The following CEP63 variants were observed in gnomAD, a reference collection of about 807,000 sequenced individuals.
The protein encoded by CEP63 is centrosomal protein of 63 kDa.
A neutral mutation model predicts 89.1 loss-of-function variants in CEP63; 84 were observed. That is an observed-to-expected ratio of 0.94 (90% CI 0.79 to 1.13). CEP63 has a LOEUF of 1.13. Among genes scored for constraint, CEP63 ranks in the 50% most tolerant of loss-of-function variants. CEP63 has a pLI of 0.00. For synonymous variants in CEP63, 267 were observed against 272.5 expected, an observed-to-expected ratio of 0.98 and a Z score of 0.20; for missense variants, 838 against 813.3, an observed-to-expected ratio of 1.03 and a Z score of -0.37.
chr3:134,505,666 T>C (rs1310061540), intron 2 of CEP63, among the ~76,000 whole-genome samples: 1 of 152,148 alleles, frequency 6.6e-6, no homozygotes, highest in Admixed American at 6.5e-5. Flanking sequence ...CCCTGGATGA[T>C]GTCCATAGGT....
At chr3:134,584,605 C>T (rs920788064) in intron 10 of CEP63, among the ~76,000 whole-genome samples, 2 of 152,074 alleles carry the variant, frequency 1.3e-5, no homozygotes, top group African/African-American at 2.4e-5. Flanking sequence ...ATTTTTGCAC[C>T]AGTGTTTATC....
chr3:134,650,820 GT>G, the CEP63 span: 1 of 1,579,712 alleles, frequency 6.3e-7, no homozygotes, highest in Non-Finnish European at 8.6e-7. Flanking sequence ...TCGGGCGCGC[GT>G]TACCTCCTCC....
At chr3:134,576,560 C>G (rs1411035840), downstream of CEP63, among the ~76,000 whole-genome samples, 1 of 152,234 alleles carries the variant, frequency 6.6e-6, no homozygotes, top group Non-Finnish European at 1.5e-5. Context: ...AGAGGTAGGG[C>G]CTCAAAGCCA....
At chr3:134,742,496 G>A in the CEP63 span, among the ~76,000 whole-genome samples, 1 of 152,138 alleles carries the variant, frequency 6.6e-6, no homozygotes, top group Non-Finnish European at 1.5e-5. Flanking sequence ...AAATACTGCA[G>A]GCCAGTTTTC....
At chr3:134,662,532 T>G in the CEP63 span, among the ~76,000 whole-genome samples, 1 of 152,192 alleles carries the variant, frequency 6.6e-6, no homozygotes, top group Non-Finnish European at 1.5e-5. Flanking sequence ...GCTAGATGCC[T>G]TCACAATCTT....
At chr3:134,653,059 C>T in the CEP63 span, among the ~76,000 whole-genome samples, 1 of 152,152 alleles carries the variant, frequency 6.6e-6, no homozygotes. Context: ...ATATTCTGAC[C>T]TGGGAATGTG....
chr3:134,538,857 C>T (rs972142966), intron 6 of CEP63, among the ~76,000 whole-genome samples: 5 of 151,970 alleles, frequency 3.3e-5, no homozygotes, highest in Non-Finnish European at 7.4e-5. Flanking sequence ...TATCCTATTT[C>T]ATATTACTGT....
At chr3:134,608,150 T>C in the CEP63 span, 1 of 1,141,030 alleles carries the variant, frequency 8.8e-7, no homozygotes, top group African/African-American at 1.6e-5. Context: ...AGATTCCAGC[T>C]CTGCTGAGGC....
At chr3:134,703,264 C>G in the CEP63 span, among the ~76,000 whole-genome samples, 1 of 145,616 alleles carries the variant, frequency 6.9e-6, no homozygotes, top group East Asian at 2.0e-4. Context: ...CCACTGCACT[C>G]CAGCCTGGGT....
chr3:134,636,014 A>T, the CEP63 span, among the ~76,000 whole-genome samples: 1 of 152,230 alleles, frequency 6.6e-6, no homozygotes, highest in Non-Finnish European at 1.5e-5. Context: ...TATAATCCAT[A>T]TAAGCAATCC....
Position 134,561,973 on chromosome 3 carries a change from T to C in CEP63, c.*438T>C. The C allele has an allele frequency of 2.0e-6, 2 of 1,018,388 alleles. No homozygotes were observed. The highest frequency in any genetic ancestry group is 2.4e-6 in the Non-Finnish European group (2 of 850,022). 63.1% of individuals were successfully genotyped at this position (1,018,388 alleles called of 1,614,324 possible). ...GGATCGATAGACTGGTTTTGCCACT[T>C]ACCAGCCAACGGGGCTTGTTATTTA... On this transcript the variant is annotated 3_prime_UTR_variant, in exon 15 of 15. Transcript: ENST00000675561.
the CEP63 span, among the ~76,000 whole-genome samples, chr3:134,672,428 T>C: frequency 6.6e-6 from 1 of 152,258 alleles, no homozygotes; most frequent in South Asian, 2.1e-4. Flanking sequence ...GATTCAGTGA[T>C]ATTTATGACT....
the CEP63 span, among the ~76,000 whole-genome samples, chr3:134,752,493 C>T: frequency 6.6e-6 from 1 of 152,158 alleles, no homozygotes; most frequent in African/African-American, 2.4e-5. Context: ...TCTCTTGCAC[C>T]CTCATTTCGC....
rs191198547 is a variant in CEP63, at chr3:134,517,326, A to T, written c.222+10040A>T. Among the ~76,000 whole-genome samples, 915 of 152,290 alleles carry T rather than the reference A, an allele frequency of 6.0e-3. 9 individuals carry two copies. The highest frequency in any genetic ancestry group is 8.7e-3 in the Non-Finnish European group (593 of 68,018). On this transcript the variant is annotated intron_variant, in intron 3 of 14. Transcript: ENST00000675561. ...TAAAAGAAAATCCTCTTTCTGTCTT[A>T]TCTGTATGTGAAAAGTGACAGAACT...
the CEP63 span, among the ~76,000 whole-genome samples, chr3:134,714,506 G>T: frequency 5.9e-5 from 9 of 152,130 alleles, no homozygotes; most frequent in Non-Finnish European, 1.2e-4. Context: ...CCCCACCTCA[G>T]GCCTGCTCCC....
chr3:134,582,054 AATG>A (rs1463937175), intron 10 of CEP63, among the ~76,000 whole-genome samples: 1 of 152,196 alleles, frequency 6.6e-6, no homozygotes, highest in African/African-American at 2.4e-5. Flanking sequence ...GGAGAGATTT[AATG>A]ATGATAAAGT....
the CEP63 span, among the ~76,000 whole-genome samples, chr3:134,742,392 T>G: frequency 1.3e-5 from 2 of 152,034 alleles, no homozygotes; most frequent in African/African-American, 2.4e-5. Flanking sequence ...GGGTGGGTGG[T>G]GAACACCAGG....
intron 2 of CEP63, 114 bp from the exon 3 acceptor site, chr3:134,506,995 T>C: frequency 1.5e-6 from 1 of 679,464 alleles, no homozygotes; most frequent in Non-Finnish European, 2.6e-6. Flanking sequence ...TACATTAATG[T>C]CATTTAATTA....
At chr3:134,493,733 T>C (rs1264615012) in intron 1 of CEP63, among the ~76,000 whole-genome samples, 2 of 152,216 alleles carry the variant, frequency 1.3e-5, no homozygotes, top group East Asian at 1.9e-4. Flanking sequence ...CTCATTTTTT[T>C]CTGTCCCATA....
Sources: gnomAD v4.1 joint callset for allele counts (sites outside exome capture counted in the v4.1 genomes callset) on GRCh38, gnomAD v4.1.1 for gene constraint, MANE v1.5 for transcripts, NCBI Gene and HGNC (gene_info 2026-07-23, HGNC 2026-07-21) for gene names.